The following FGF12 variants were observed in gnomAD, a reference collection of about 807,000 sequenced individuals.
The protein encoded by FGF12 is fibroblast growth factor 12B.
In FGF12, 14 loss-of-function variants were observed where a neutral mutation model predicts 23.6. That is an observed-to-expected ratio of 0.59 (90% CI 0.39 to 0.93). The LOEUF (loss-of-function observed/expected upper bound fraction) is 0.93. Among genes scored for constraint, FGF12 ranks in the 40% least tolerant of loss-of-function variants. The probability of loss-of-function intolerance (pLI) is 0.00; values close to 1 mark genes in which losing one functional copy is unlikely to be tolerated. For missense variants in FGF12, 175 were observed against 217.8 expected (o/e 0.80, Z 1.24); for synonymous variants, 62 against 77.3 (o/e 0.80, Z 1.04).
chr3:192,201,316 A>G (rs1014266411), intron 4 of FGF12, among the ~76,000 whole-genome samples: 3 of 152,218 alleles, frequency 2.0e-5, no homozygotes, highest in African/African-American at 7.2e-5. Flanking sequence ...GGGAATGGAA[A>G]TGGAACACAA....
chr3:192,671,206 AAGTT>A (rs1316452933), intron 2 of FGF12, among the ~76,000 whole-genome samples: 2 of 152,242 alleles, frequency 1.3e-5, no homozygotes, highest in Non-Finnish European at 2.9e-5. Flanking sequence ...CAGAGCTTTG[AAGTT>A]AGACAGCAGG....
chr3:192,147,738 G>C (rs1328447107), intron 5 of FGF12, among the ~76,000 whole-genome samples: 1 of 152,016 alleles, frequency 6.6e-6, no homozygotes, highest in African/African-American at 2.4e-5. Context: ...TGAATATTTA[G>C]GGTTTCAAGG....
intron 2 of FGF12, among the ~76,000 whole-genome samples, chr3:192,415,399 A>G (rs1721317106): frequency 6.6e-6 from 1 of 152,140 alleles, no homozygotes. Context: ...CTTTGCACAT[A>G]GCCAGATACT....
At chr3:192,416,801 A>G (rs1204920968) in intron 2 of FGF12, among the ~76,000 whole-genome samples, 1 of 152,136 alleles carries the variant, frequency 6.6e-6, no homozygotes, top group Non-Finnish European at 1.5e-5. Context: ...ACATGACATC[A>G]AGGAGGCATT....
intron 2 of FGF12, among the ~76,000 whole-genome samples, chr3:192,605,547 G>T (rs1275011956): frequency 1.7e-4 from 26 of 152,074 alleles, no homozygotes. Context: ...TAACAACAGA[G>T]TAAACAGACA....
chr3:192,318,301 A>G (rs566867418), intron 4 of FGF12, among the ~76,000 whole-genome samples: 1 of 152,308 alleles, frequency 6.6e-6, no homozygotes, highest in Admixed American at 6.5e-5. Context: ...AATTCAAAAT[A>G]ATTGTTTTGA....
At chr3:192,494,974 C>T (rs1723905759) in intron 2 of FGF12, among the ~76,000 whole-genome samples, 1 of 152,136 alleles carries the variant, frequency 6.6e-6, no homozygotes, top group African/African-American at 2.4e-5. Context: ...AATTCTCCTG[C>T]CTCGGCCTCC....
chr3:192,422,957 T>C (rs558512066), intron 2 of FGF12, among the ~76,000 whole-genome samples: 1 of 152,270 alleles, frequency 6.6e-6, no homozygotes, highest in African/African-American at 2.4e-5. Flanking sequence ...AAACCTGATG[T>C]GAAGAATGCT....
intron 2 of FGF12, among the ~76,000 whole-genome samples, chr3:192,478,580 A>C (rs778218841): frequency 1.3e-5 from 2 of 152,122 alleles, no homozygotes; most frequent in Non-Finnish European, 2.9e-5. Flanking sequence ...CTTTTCAAAG[A>C]GTCTACTGTA....
chr3:192,313,472 G>C (rs1176871804), intron 4 of FGF12, among the ~76,000 whole-genome samples: 1 of 152,152 alleles, frequency 6.6e-6, no homozygotes, highest in East Asian at 1.9e-4. Flanking sequence ...GAAGAATAAA[G>C]GTTGAAGTAG....
At chr3:192,667,666 G>T (rs970252186) in intron 2 of FGF12, among the ~76,000 whole-genome samples, 5 of 151,070 alleles carry the variant, frequency 3.3e-5, no homozygotes, top group Admixed American at 2.0e-4. Flanking sequence ...GACGGAGTGA[G>T]GGGAAGTATC....
At chr3:192,168,204 CTTTTA>C (rs150943036) in intron 5 of FGF12, among the ~76,000 whole-genome samples, 9,971 of 152,160 alleles carry the variant, frequency 0.066, 386 homozygotes, top group African/African-American at 0.096. Context: ...CCTTGTACTA[CTTTTA>C]TAACAAGAAG....
chr3:192,458,511 C>T (rs1722752653), intron 2 of FGF12, among the ~76,000 whole-genome samples: 1 of 152,202 alleles, frequency 6.6e-6, no homozygotes. Context: ...TTGCCTGCCT[C>T]ACAGGTTTTT....
chr3:192,671,138 A>G (rs1014869083), intron 2 of FGF12, among the ~76,000 whole-genome samples: 1 of 152,244 alleles, frequency 6.6e-6, no homozygotes, highest in Admixed American at 6.5e-5. Context: ...GTTGAGGAAG[A>G]CAAAGACCAG....
intron 2 of FGF12, among the ~76,000 whole-genome samples, chr3:192,434,754 C>T (rs1195732803): frequency 6.6e-6 from 1 of 151,970 alleles, no homozygotes; most frequent in Non-Finnish European, 1.5e-5. Context: ...TTGACTCTGT[C>T]GTGGTTGCAA....
chr3:192,565,982 A>G lies in FGF12; in HGVS notation c.13+161199T>C, dbSNP rs146717350. On this transcript the variant is annotated intron_variant, in intron 2 of 5. Transcript: ENST00000445105. ...ATGCCTGTAAACCCAGCTACTCGGG[A>G]GGCTGAGGCAGGAGAATCACCTGAA... is the stretch of plus-strand genomic sequence containing the variant. Among the ~76,000 whole-genome samples, 689 of 152,326 alleles carry G rather than the reference A, an allele frequency of 4.5e-3. 4 individuals carry two copies. The highest frequency in any genetic ancestry group is 0.016 in the African/African-American group (657 of 41,566).
intron 4 of FGF12, among the ~76,000 whole-genome samples, chr3:192,334,213 G>T (rs1717274609): frequency 6.6e-6 from 1 of 152,072 alleles, no homozygotes; most frequent in South Asian, 2.1e-4. Context: ...TAAGACACAG[G>T]AGGCAGACGG....
At chr3:192,205,940 G>C (rs1176587929) in intron 4 of FGF12, among the ~76,000 whole-genome samples, 1 of 152,186 alleles carries the variant, frequency 6.6e-6, no homozygotes, top group Non-Finnish European at 1.5e-5. Flanking sequence ...CAGAGGAGGT[G>C]TTACTATTGT....
At chr3:192,379,878 C>A (rs1234348408) in intron 2 of FGF12, among the ~76,000 whole-genome samples, 3 of 152,116 alleles carry the variant, frequency 2.0e-5, no homozygotes, top group Non-Finnish European at 4.4e-5. Flanking sequence ...ATCTTTTTTA[C>A]CTCTTTTGTT....
Sources: allele counts gnomAD v4.1 joint callset (sites outside exome capture counted in the v4.1 genomes callset), GRCh38; gene constraint gnomAD v4.1.1; transcripts MANE v1.5; gene names NCBI Gene and HGNC (gene_info 2026-07-23, HGNC 2026-07-21).